NRG1: variants seen among roughly 807,000 people sequenced by gnomAD.
NRG1 encodes neuregulin 1.
NRG1 carries 18 observed loss-of-function variants against 63.8 expected under a neutral mutation model. That is an observed-to-expected ratio of 0.28 (90% CI 0.19 to 0.42). The LOEUF (loss-of-function observed/expected upper bound fraction) is 0.42, where lower values mean the gene tolerates loss of function less well. Among genes scored for constraint, NRG1 ranks in the 10% least tolerant of loss-of-function variants. The pLI, the probability that NRG1 is intolerant of heterozygous loss-of-function variation, is 1.00. For missense variants in NRG1, 762 were observed against 814.7 expected, an observed-to-expected ratio of 0.94 and a Z score of 0.79; for synonymous variants, 302 against 301.3, an observed-to-expected ratio of 1.00 and a Z score of -0.02.
intron 1 of NRG1, among the ~76,000 whole-genome samples, chr8:32,275,440 G>A (rs1851992393): frequency 1.3e-5 from 2 of 152,132 alleles, no homozygotes; most frequent in South Asian, 2.1e-4. Context: ...AGAGTGACCT[G>A]GACAGGACAG....
At chr8:31,805,461 G>C (rs1822175918) in intron 1 of NRG1, among the ~76,000 whole-genome samples, 1 of 152,090 alleles carries the variant, frequency 6.6e-6, no homozygotes, top group Non-Finnish European at 1.5e-5. Context: ...AGCATAATTA[G>C]TTGTAACAGT....
At position 32,213,628 on chromosome 8, in the gene NRG1, T is replaced by TA. The variant is rs1000236024; in HGVS notation, c.38-382191dup. The stretch of plus-strand genomic sequence containing the variant: ...CGGAACTTAAAATTTTAAAAAAATT[T>TA]AAAAAAAAAGAAAATCTGAACTTGG... On this transcript the variant is annotated intron_variant, in intron 1 of 10. Transcript: ENST00000519301. 6.0e-5 allele frequency among the ~76,000 whole-genome samples: 9 copies of TA among 151,226 alleles called. No homozygotes were observed. In the South Asian group the frequency reaches 8.4e-4, roughly 14 times the overall value.
chr8:32,585,743 C>T (rs1283068004), intron 1 of NRG1, among the ~76,000 whole-genome samples: 2 of 152,164 alleles, frequency 1.3e-5, no homozygotes, highest in African/African-American at 2.4e-5. Flanking sequence ...AGCAATTTTG[C>T]ATATCTACTG....
At chr8:32,481,386 C>T (rs921796065) in intron 1 of NRG1, among the ~76,000 whole-genome samples, 5 of 151,730 alleles carry the variant, frequency 3.3e-5, no homozygotes, top group African/African-American at 7.3e-5. Context: ...TGTGTTAGAA[C>T]AAAAAAGAAA....
rs776669037 is a variant in NRG1 at position 32,605,717 on chromosome 8, C to T, written c.400+34C>T. 9.3e-6 allele frequency: 15 copies of T among 1,608,350 alleles called. No individual in the cohort carries two copies. In the East Asian group the frequency reaches 2.9e-4, roughly 31 times the overall value. The stretch of plus-strand genomic sequence containing the variant: ...TACCTACGGTATTCTGTTCCTCAAT[C>T]TGTAACAAGAGTAATCAAAACATGT... On this transcript the variant is annotated intron_variant, in intron 3 of 11. Transcript: ENST00000356819.
intron 1 of NRG1, among the ~76,000 whole-genome samples, chr8:31,948,805 C>A (rs1432234954): frequency 6.6e-6 from 1 of 152,092 alleles, no homozygotes; most frequent in Non-Finnish European, 1.5e-5. Flanking sequence ...AGAAGCCTTT[C>A]CCCTGCCCCC....
intron 5 of NRG1, among the ~76,000 whole-genome samples, chr8:32,649,455 G>A (rs1168079263): frequency 6.6e-6 from 1 of 152,090 alleles, no homozygotes; most frequent in East Asian, 1.9e-4. Flanking sequence ...TTACTTAGTA[G>A]AAAAGTACAA....
intron 1 of NRG1, among the ~76,000 whole-genome samples, chr8:31,837,383 C>T (rs896185537): frequency 1.3e-5 from 2 of 151,920 alleles, no homozygotes; most frequent in Non-Finnish European, 2.9e-5. Flanking sequence ...TTTTTATTGA[C>T]ACCTAATAAT....
At chr8:32,654,058 G>A (rs1243778601) in intron 5 of NRG1, among the ~76,000 whole-genome samples, 1 of 152,016 alleles carries the variant, frequency 6.6e-6, no homozygotes, top group South Asian at 2.1e-4. Context: ...CATTTTTAGA[G>A]ATTATTTGTG....
intron 1 of NRG1, among the ~76,000 whole-genome samples, chr8:32,486,873 CCACA>C (rs1825964520): frequency 6.6e-6 from 1 of 152,064 alleles, no homozygotes; most frequent in South Asian, 2.1e-4. Context: ...AATTCACTTG[CCACA>C]GCCTCCCAAA....
chr8:31,879,869 T>C (rs1017703693), intron 1 of NRG1, among the ~76,000 whole-genome samples: 1 of 152,350 alleles, frequency 6.6e-6, no homozygotes, highest in East Asian at 1.9e-4. Context: ...TCCATCCATA[T>C]TCCCACAAAA....
At chr8:31,675,076 C>T (rs956669004) in intron 1 of NRG1, among the ~76,000 whole-genome samples, 6 of 152,222 alleles carry the variant, frequency 3.9e-5, no homozygotes, top group African/African-American at 1.4e-4. Flanking sequence ...GGCACAGTGG[C>T]TCATGCCTGT....
chr8:32,447,933 T>G (rs1310436631), intron 1 of NRG1, among the ~76,000 whole-genome samples: 2 of 152,124 alleles, frequency 1.3e-5, no homozygotes, highest in Non-Finnish European at 2.9e-5. Context: ...TTACTATAAC[T>G]CCTTATGATA....
chr8:31,694,156 G>A (rs986556434), intron 1 of NRG1, among the ~76,000 whole-genome samples: 10 of 152,160 alleles, frequency 6.6e-5, no homozygotes, highest in Admixed American at 6.5e-4. Flanking sequence ...TCTGTCTTTT[G>A]AGGTGGTGGG....
intron 11 of NRG1, 37 bp downstream of exon 11, chr8:32,760,443 C>A: frequency 6.2e-7 from 1 of 1,610,810 alleles, no homozygotes; most frequent in Non-Finnish European, 8.5e-7. Context: ...AGAGGAGAAA[C>A]TCAGTCAGAG....
chr8:32,379,303 A>G (rs1302483070), intron 1 of NRG1, among the ~76,000 whole-genome samples: 1 of 151,628 alleles, frequency 6.6e-6, no homozygotes, highest in Non-Finnish European at 1.5e-5. Flanking sequence ...AGATCTGAAA[A>G]CAGGGAAGAT....
chr8:32,173,143 C>A (rs1456400780), intron 1 of NRG1, among the ~76,000 whole-genome samples: 2 of 152,172 alleles, frequency 1.3e-5, no homozygotes. Flanking sequence ...CTGATCCTCT[C>A]AGCAGAAACT....
intron 1 of NRG1, among the ~76,000 whole-genome samples, chr8:31,934,985 C>T (rs1432260643): frequency 6.6e-6 from 1 of 152,068 alleles, no homozygotes; most frequent in Admixed American, 6.6e-5. Flanking sequence ...ATTGCTCTGT[C>T]ACCCCACCCA....
intron 1 of NRG1, among the ~76,000 whole-genome samples, chr8:32,571,055 A>T (rs987765693): frequency 6.6e-6 from 1 of 152,218 alleles, no homozygotes; most frequent in Admixed American, 6.5e-5. Context: ...GTTAGGTCCT[A>T]GAAAAGCCTA....
Sources: gnomAD v4.1 joint callset for allele counts (sites outside exome capture counted in the v4.1 genomes callset) on GRCh38, gnomAD v4.1.1 for gene constraint, MANE v1.5 for transcripts, NCBI Gene and HGNC (gene_info 2026-07-23, HGNC 2026-07-21) for gene names.